The following MAP3K20 variants were observed in gnomAD, a reference collection of about 807,000 sequenced individuals.
The protein encoded by MAP3K20 is mitogen-activated protein kinase kinase kinase 20.
MAP3K20 carries 40 observed loss-of-function variants against 85.7 expected under a neutral mutation model. The ratio of observed to expected loss-of-function variants is 0.47; its 90% CI spans 0.36 to 0.61. The LOEUF is 0.61. Among genes scored for constraint, MAP3K20 ranks in the 20% least tolerant of loss-of-function variants. MAP3K20 has a pLI of 0.00. For synonymous variants in MAP3K20, 325 were observed against 327.7 expected, an observed-to-expected ratio of 0.99 and a Z score of 0.09; for missense variants, 817 against 961.7, an observed-to-expected ratio of 0.85 and a Z score of 1.99.
intron 2 of MAP3K20, among the ~76,000 whole-genome samples, chr2:173,158,769 G>A (rs921899442): frequency 6.6e-6 from 1 of 152,200 alleles, no homozygotes; most frequent in Admixed American, 6.5e-5. Flanking sequence ...TAGGATTACT[G>A]TCTGCCTTTT....
intron 3 of MAP3K20, among the ~76,000 whole-genome samples, chr2:173,175,371 C>T (rs1329932033): frequency 1.3e-5 from 2 of 152,158 alleles, no homozygotes; most frequent in Non-Finnish European, 2.9e-5. Flanking sequence ...ATCTTAAGAA[C>T]TGTGTCATGC....
intron 2 of MAP3K20, among the ~76,000 whole-genome samples, chr2:173,117,378 A>G (rs1219479234): frequency 6.6e-6 from 1 of 152,106 alleles, no homozygotes; most frequent in East Asian, 1.9e-4. Context: ...TCCTGGGTTC[A>G]TGAGATCTGG....
chr2:173,075,878 C>T lies in MAP3K20; in HGVS notation c.-159C>T. 5.1e-6 allele frequency: 5 copies of T among 985,208 alleles called. No individual in the cohort carries two copies. The highest frequency in any genetic ancestry group is 6.0e-6 in the Non-Finnish European group (5 of 829,882). 61.0% of individuals were successfully genotyped at this position (985,208 alleles called of 1,614,324 possible). Reference sequence around the variant, plus strand: ...GCGCCGTGCAGAGAGGCGGAATGTTCAACTCCTAACTGCAGCGGAAACGTG... The same window carrying T: ...GCGCCGTGCAGAGAGGCGGAATGTTTAACTCCTAACTGCAGCGGAAACGTG... On this transcript the variant is annotated 5_prime_UTR_variant, in exon 1 of 20. Transcript: ENST00000375213.
At chr2:173,188,489 C>G (rs1379681108) in intron 5 of MAP3K20, among the ~76,000 whole-genome samples, 1 of 152,034 alleles carries the variant, frequency 6.6e-6, no homozygotes, top group Admixed American at 6.6e-5. Flanking sequence ...CGAGTATATG[C>G]TAATAGTGTG....
At chr2:173,154,084 T>TAACTTCATA (rs1559255075) in intron 2 of MAP3K20, among the ~76,000 whole-genome samples, 131 of 152,270 alleles carry the variant, frequency 8.6e-4, no homozygotes, top group African/African-American at 3.0e-3. Context: ...AGCAATTCCA[T>TAACTTCATA]TACCTGCCTG....
At chr2:173,201,020 G>A (rs1042393063) in intron 8 of MAP3K20, among the ~76,000 whole-genome samples, 1 of 152,150 alleles carries the variant, frequency 6.6e-6, no homozygotes, top group African/African-American at 2.4e-5. Context: ...CATGTCTGTA[G>A]TATACTGTCA....
At chr2:173,092,375 A>G (rs17302684) in intron 2 of MAP3K20, among the ~76,000 whole-genome samples, 3,059 of 152,330 alleles carry the variant, frequency 0.02, 55 homozygotes, top group Admixed American at 0.041. Context: ...AATGGTAGCC[A>G]AGTAATAAAT....
intron 1 of MAP3K20, among the ~76,000 whole-genome samples, chr2:173,079,763 T>A (rs1033710862): frequency 6.6e-6 from 1 of 152,186 alleles, no homozygotes; most frequent in African/African-American, 2.4e-5. Context: ...GTTTTCTACC[T>A]CCACATCTTG....
chr2:173,240,293 GAGGGAAGCCA>G (rs1196164689), intron 16 of MAP3K20, among the ~76,000 whole-genome samples: 1 of 152,116 alleles, frequency 6.6e-6, no homozygotes, highest in African/African-American at 2.4e-5. Context: ...GCCTTCCCTT[GAGGGAAGCCA>G]AGGGACCTTA....
chr2:173,192,366 A>G (rs1690681353), intron 7 of MAP3K20, among the ~76,000 whole-genome samples: 1 of 152,198 alleles, frequency 6.6e-6, no homozygotes, highest in Non-Finnish European at 1.5e-5. Context: ...AAATCATAAC[A>G]CATCCTATGT....
intron 2 of MAP3K20, among the ~76,000 whole-genome samples, chr2:173,121,760 C>T (rs1046458384): frequency 6.6e-6 from 1 of 152,136 alleles, no homozygotes; most frequent in Admixed American, 6.5e-5. Flanking sequence ...CCACCCGCCA[C>T]CATCACCTCC....
At chr2:173,094,683 C>T (rs1254137823) in intron 2 of MAP3K20, among the ~76,000 whole-genome samples, 1 of 152,086 alleles carries the variant, frequency 6.6e-6, no homozygotes, top group African/African-American at 2.4e-5. Flanking sequence ...TCCCCAGCCC[C>T]CAGCCTAGTC....
chr2:173,203,608 A>ATGAG (rs1426449801), intron 8 of MAP3K20, among the ~76,000 whole-genome samples, 188 bp from the exon 9 acceptor site: 3 of 152,228 alleles, frequency 2.0e-5, no homozygotes, highest in African/African-American at 7.2e-5. Context: ...AAGAAAAAGT[A>ATGAG]TGAGTCTTTA....
intron 1 of MAP3K20, among the ~76,000 whole-genome samples, chr2:173,087,340 GAC>G (rs1304292637): frequency 6.6e-6 from 1 of 152,210 alleles, no homozygotes; most frequent in African/African-American, 2.4e-5. Context: ...TTGAAGCAGA[GAC>G]ACTAGCCTGT....
intron 2 of MAP3K20, among the ~76,000 whole-genome samples, chr2:173,127,341 TAATG>T (rs1688472831): frequency 6.6e-6 from 1 of 152,170 alleles, no homozygotes; most frequent in South Asian, 2.1e-4. Context: ...CTGCTATTCA[TAATG>T]AAGGAAAGAT....
intron 2 of MAP3K20, chr2:173,166,451 G>A (rs1001974273): frequency 2.0e-5 from 3 of 152,142 alleles, no homozygotes; most frequent in Admixed American, 6.5e-5. Flanking sequence ...TGAGAAATGT[G>A]TAGATCTTTT....
chr2:173,126,273 G>A (rs190643349), intron 2 of MAP3K20, among the ~76,000 whole-genome samples: 221 of 152,304 alleles, frequency 1.5e-3, no homozygotes, highest in African/African-American at 5.1e-3. Flanking sequence ...AATGTCTGAC[G>A]TTGGGCAAGA....
intron 16 of MAP3K20, among the ~76,000 whole-genome samples, chr2:173,240,331 C>G (rs144257973): frequency 0.014 from 2,071 of 152,272 alleles, 25 homozygotes; most frequent in Middle Eastern, 0.027. Context: ...ACCTTACAAG[C>G]TGTGTAAGCC....
intron 9 of MAP3K20, 58 bp from the exon 10 acceptor site, chr2:173,209,671 T>C: frequency 3.5e-6 from 5 of 1,446,750 alleles, no homozygotes; most frequent in Middle Eastern, 3.8e-4. Flanking sequence ...CTACGTTTTC[T>C]CTTAAATATC....
Sources: allele counts gnomAD v4.1 joint callset (sites outside exome capture counted in the v4.1 genomes callset), GRCh38; gene constraint gnomAD v4.1.1; transcripts MANE v1.5; gene names NCBI Gene and HGNC (gene_info 2026-07-23, HGNC 2026-07-21).